Variants in CSMD3 observed in about 807,000 individuals in gnomAD.
CSMD3 encodes CUB and Sushi multiple domains 3.
CSMD3 carries 177 observed loss-of-function variants against 435.2 expected under a neutral mutation model. The observed-to-expected ratio is 0.41, with a 90% CI of 0.36 to 0.46. CSMD3 has a LOEUF of 0.46. CSMD3 is among the 20% of genes least tolerant of loss of function. The probability of loss-of-function intolerance (pLI) is 0.34; values close to 1 mark genes in which losing one functional copy is unlikely to be tolerated. For synonymous variants in CSMD3, 1,656 were observed against 1,520.5 expected (o/e 1.09, Z -2.07); for missense variants, 4,265 against 4,504.6 (o/e 0.95, Z 1.52).
intron 5 of CSMD3, among the ~76,000 whole-genome samples, chr8:113,032,228 G>A (rs1333111251): frequency 1.3e-5 from 2 of 151,564 alleles, no homozygotes; most frequent in Non-Finnish European, 2.9e-5. Flanking sequence ...AAAAGGCAGA[G>A]GCTGGAAGAG....
At chr8:112,773,398 C>T (rs2132208748) in intron 13 of CSMD3, among the ~76,000 whole-genome samples, 1 of 152,078 alleles carries the variant, frequency 6.6e-6, no homozygotes, top group Non-Finnish European at 1.5e-5. Context: ...GGTACAATCA[C>T]TCTGAGACAA....
At chr8:112,741,720 C>A (rs1237463412) in intron 13 of CSMD3, among the ~76,000 whole-genome samples, 1 of 151,724 alleles carries the variant, frequency 6.6e-6, no homozygotes, top group South Asian at 2.1e-4. Context: ...AAGCCCCCCC[C>A]ATCAAAAGGT....
chr8:112,593,249 T>C (rs16883861), intron 22 of CSMD3, among the ~76,000 whole-genome samples: 3,219 of 152,238 alleles, frequency 0.021, 122 homozygotes, highest in African/African-American at 0.072. Context: ...GAGAAATCCA[T>C]TAGGGCAGCT....
chr8:113,278,601 A>G lies in CSMD3; in HGVS notation c.505T>C (p.Tyr169His), dbSNP rs2093589635. ...FAVSAHGFKV[Y>H]YEELQSSSCG... The stretch of plus-strand genomic sequence containing the variant: ...CACTACCATCACTTACCTTCGTAAT[A>G]TACCTTAAATCCATGAGCACTAACT... The change falls in exon 3 of 71, where the codon TAT (tyrosine) becomes CAT (histidine). Residue 169 changes from tyrosine to histidine, a missense_variant. By Grantham distance (83) the Tyr-to-His change is moderately conservative. Transcript: ENST00000297405. The G allele has an allele frequency of 7.9e-6, 12 of 1,518,056 alleles. No homozygotes were observed. Among genetic ancestry groups the G allele is most frequent in the African/African-American group, 4.1e-5 (3 of 73,094 alleles). The allele number at this position is 1,518,056 out of a possible 1,614,324, so 94.0% of individuals were successfully genotyped here. A position where few individuals can be genotyped will look rare whatever the true frequency, so the allele number is the denominator to read the frequency against.
At chr8:112,758,694 TC>T (rs2077762514) in intron 13 of CSMD3, among the ~76,000 whole-genome samples, 1 of 152,192 alleles carries the variant, frequency 6.6e-6, no homozygotes, top group African/African-American at 2.4e-5. Flanking sequence ...TTTAAGCTAT[TC>T]AAGCCTCATT....
intron 13 of CSMD3, among the ~76,000 whole-genome samples, chr8:112,783,206 T>A (rs1288624098): frequency 6.6e-6 from 1 of 151,156 alleles, no homozygotes; most frequent in East Asian, 1.9e-4. Context: ...AAGAGTAGAG[T>A]TTTTATCAGT....
At chr8:112,337,887 C>CTG (rs2130969008) in intron 42 of CSMD3, among the ~76,000 whole-genome samples, 156 bp from the exon 43 acceptor site, 1 of 152,242 alleles carries the variant, frequency 6.6e-6, no homozygotes, top group Admixed American at 6.5e-5. Context: ...TGTCAATGAC[C>CTG]TGTGACATAA....
chr8:113,250,797 T>C lies in CSMD3; in HGVS notation c.514+27795A>G, dbSNP rs1047405477. On this transcript the variant is annotated intron_variant, in intron 3 of 70. Transcript: ENST00000297405. ...TACAGAATTTAATGGGCTTGTTTAC[T>C]GGGGTTAAAAACCAATAGAAGAGTG... Among the ~76,000 whole-genome samples, 43 of 152,136 alleles carry C rather than the reference T, an allele frequency of 2.8e-4. 1 individual carries two copies. The highest frequency in any genetic ancestry group is 8.8e-5 in the Non-Finnish European group (6 of 68,004).
intron 6 of CSMD3, among the ~76,000 whole-genome samples, chr8:113,001,248 T>C (rs2085852797): frequency 6.6e-6 from 1 of 152,072 alleles, no homozygotes; most frequent in African/African-American, 2.4e-5. Context: ...ATATTTTCCC[T>C]CTCTCCTGCT....
rs2130756434 is a variant in CSMD3, at chr8:112,301,786, T to C, written c.8440+7A>G. On this transcript the variant is annotated splice_region_variant and intron_variant, in intron 53 of 70. Coordinates refer to ENST00000297405, the MANE Select transcript of CSMD3 (RefSeq NM_198123.2). Reference sequence around the variant, plus strand: ...AAGTTTGACAAAAACAAATTAAAAATCTGTACCTAGGCATCTGGTTTCAGA... The same window carrying C: ...AAGTTTGACAAAAACAAATTAAAAACCTGTACCTAGGCATCTGGTTTCAGA... The C allele has an allele frequency of 6.2e-7, 1 of 1,612,218 alleles. No individual in the cohort carries two copies. The highest frequency in any genetic ancestry group is 8.5e-7 in the Non-Finnish European group (1 of 1,178,444).
At chr8:113,208,881 A>C (rs1042486877) in intron 3 of CSMD3, among the ~76,000 whole-genome samples, 5 of 152,112 alleles carry the variant, frequency 3.3e-5, no homozygotes, top group African/African-American at 9.6e-5. Context: ...TCTTTAAATA[A>C]ATGTAGATAT....
chr8:113,171,792 C>T (rs1588200276), intron 4 of CSMD3, among the ~76,000 whole-genome samples: 1 of 152,186 alleles, frequency 6.6e-6, no homozygotes, highest in Admixed American at 6.5e-5. Flanking sequence ...CTTGTGAGCA[C>T]AGGTACCAGT....
chr8:113,044,757 C>A (rs1002674972), intron 5 of CSMD3, among the ~76,000 whole-genome samples: 1 of 149,116 alleles, frequency 6.7e-6, no homozygotes, highest in African/African-American at 2.4e-5. Flanking sequence ...TAACCTATTT[C>A]ATTTTCTCCA....
At chr8:112,256,468 A>C (rs1159299327) in intron 61 of CSMD3, among the ~76,000 whole-genome samples, 2 of 152,188 alleles carry the variant, frequency 1.3e-5, no homozygotes, top group African/African-American at 4.8e-5. Context: ...AAGGAAGGGC[A>C]TTCTAGGTAG....
chr8:112,586,423 C>A (rs897266361), intron 23 of CSMD3, among the ~76,000 whole-genome samples: 12 of 151,116 alleles, frequency 7.9e-5, no homozygotes, highest in South Asian at 2.1e-4. Flanking sequence ...TATAAATCAG[C>A]AACTATGAAA....
chr8:112,598,488 T>A (rs1414648713), intron 22 of CSMD3, among the ~76,000 whole-genome samples: 1 of 146,676 alleles, frequency 6.8e-6, no homozygotes, highest in Admixed American at 6.8e-5. Context: ...AAGCTACCAA[T>A]GACTTTCTTC....
At chr8:112,827,166 T>TAA (rs1351847963) in intron 12 of CSMD3, among the ~76,000 whole-genome samples, 3 of 49,510 alleles carry the variant, frequency 6.1e-5, no homozygotes, top group African/African-American at 2.0e-4. Context: ...TTACCATAAA[T>TAA]ATATATATAT....
intron 10 of CSMD3, among the ~76,000 whole-genome samples, chr8:112,898,000 C>A (rs971875793): frequency 6.6e-6 from 1 of 150,998 alleles, no homozygotes; most frequent in Admixed American, 6.6e-5. Context: ...AAAAGTATGT[C>A]CCGCTGTCTT....
chr8:113,087,880 C>A (rs1274779604), intron 5 of CSMD3, among the ~76,000 whole-genome samples: 1 of 152,084 alleles, frequency 6.6e-6, no homozygotes, highest in Non-Finnish European at 1.5e-5. Flanking sequence ...AACTAAAGAG[C>A]TTCTGCACAG....
Sources: allele counts gnomAD v4.1 joint callset (sites outside exome capture counted in the v4.1 genomes callset), GRCh38; gene constraint gnomAD v4.1.1; transcripts MANE v1.5; gene names NCBI Gene and HGNC (gene_info 2026-07-23, HGNC 2026-07-21).